P3H2: variants seen among roughly 807,000 people sequenced by gnomAD.
P3H2 encodes the protein prolyl 3-hydroxylase 2.
P3H2 carries 80 observed loss-of-function variants against 87.0 expected under a neutral mutation model. That is an observed-to-expected ratio of 0.92 (90% CI 0.77 to 1.11). P3H2 has a LOEUF of 1.11. Among genes scored for constraint, P3H2 ranks in the 50% least tolerant of loss-of-function variants. P3H2 has a pLI of 0.00. For synonymous variants in P3H2, 367 were observed against 359.3 expected (o/e 1.02, Z -0.24); for missense variants, 1,001 against 923.9 (o/e 1.08, Z -1.08).
At chr3:189,974,117 C>A in intron 9 of P3H2, 113 bp from the exon 10 acceptor site, 2 of 836,360 alleles carry the variant, frequency 2.4e-6, no homozygotes, top group Non-Finnish European at 4.2e-6. Context: ...AAGAACCATC[C>A]CCATTTTATT....
chr3:190,110,298 G>C (rs1462680860), intron 1 of P3H2, among the ~76,000 whole-genome samples: 1 of 152,120 alleles, frequency 6.6e-6, no homozygotes, highest in Non-Finnish European at 1.5e-5. Context: ...GATATAACAG[G>C]TAAAGGCCAG....
At chr3:190,044,796 G>C (rs1383698748) in intron 1 of P3H2, among the ~76,000 whole-genome samples, 1 of 152,158 alleles carries the variant, frequency 6.6e-6, no homozygotes, top group Admixed American at 6.5e-5. Flanking sequence ...TAAATGTCAG[G>C]TAAGGCTATT....
intron 1 of P3H2, among the ~76,000 whole-genome samples, chr3:190,039,253 G>A (rs1725525195): frequency 6.6e-6 from 1 of 151,888 alleles, no homozygotes; most frequent in Non-Finnish European, 1.5e-5. Context: ...GCATATGATT[G>A]TTGAGTCCTC....
chr3:189,962,799 T>A (rs150222307), intron 14 of P3H2, among the ~76,000 whole-genome samples: 18 of 152,308 alleles, frequency 1.2e-4, no homozygotes, highest in African/African-American at 4.3e-4. Flanking sequence ...TGGTGAAAAG[T>A]ATATGAGAAA....
chr3:190,116,737 A>C (rs1259409304), intron 1 of P3H2: 1 of 152,218 alleles, frequency 6.6e-6, no homozygotes, highest in Non-Finnish European at 1.5e-5. Context: ...TAAAAGCTAT[A>C]TATTACGTCT....
chr3:190,063,766 T>C (rs550883545), intron 1 of P3H2, among the ~76,000 whole-genome samples: 3 of 152,198 alleles, frequency 2.0e-5, no homozygotes, highest in South Asian at 4.1e-4. Flanking sequence ...GAGCTGCCTC[T>C]GGAACATAAG....
rs936384320 is a variant in P3H2, at chr3:190,059,840, T to C, written c.480+60412A>G. On this transcript the variant is annotated intron_variant, in intron 1 of 14. Transcript: ENST00000319332. ...ACAAGTCTGACTAACTTCTTGTTTT[T>C]CAAGCTTGGAAAATGAAGATTCCTT... 3.3e-5 allele frequency among the ~76,000 whole-genome samples: 5 copies of C among 152,302 alleles called. No homozygotes were observed. In the South Asian group the frequency reaches 1.0e-3, roughly 32 times the overall value.
At chr3:190,097,602 T>G (rs893026396) in intron 1 of P3H2, among the ~76,000 whole-genome samples, 3 of 151,116 alleles carry the variant, frequency 2.0e-5, no homozygotes, top group African/African-American at 7.3e-5. Flanking sequence ...AAAGTCTTAC[T>G]TGAAAACCTA....
In P3H2 at chr3:190,021,731, CA is replaced by C. The variant is rs894611482; in HGVS notation, c.481-26290del. 6.7e-5 allele frequency among the ~76,000 whole-genome samples: 9 copies of C among 134,684 alleles called. 1 individual carries two copies. The highest frequency in any genetic ancestry group is 9.9e-5 in the Non-Finnish European group (6 of 60,348). 88.4% of individuals were successfully genotyped at this position (134,684 alleles called of 152,430 possible). A position where few individuals can be genotyped will look rare whatever the true frequency, so the allele number is the denominator to read the frequency against. On this transcript the variant is annotated intron_variant, in intron 1 of 14. Transcript: ENST00000319332. ...CCATCTTCCCAGTTATTCACTTTTT[CA>C]ATAAATCTTTAATGAGTGCCTTTCA... is the stretch of plus-strand genomic sequence containing the variant.
At chr3:190,050,047 T>C (rs1725930222) in intron 1 of P3H2, among the ~76,000 whole-genome samples, 1 of 152,208 alleles carries the variant, frequency 6.6e-6, no homozygotes, top group Non-Finnish European at 1.5e-5. Context: ...ACAAGGGTGG[T>C]AATTTGCAGG....
Position 189,970,877 on chromosome 3 carries a change from A to G in P3H2, c.1832T>C (p.Met611Thr), listed in dbSNP as rs1420800871. ...TFRDYSALLYMNDDFEGGEFI... is the reference protein window; with the variant it reads ...TFRDYSALLYTNDDFEGGEFI... The stretch of plus-strand genomic sequence containing the variant: ...TTCTCCTCCTTCAAAGTCATCATTC[A>G]TATATAGGAGAGCACTATAAGAATG... The change falls in exon 13 of 15, where the codon ATG becomes ACG. Residue 611 changes from methionine (M) to threonine (T), a missense_variant. Physicochemically the swap from Met to Thr is moderately conservative, Grantham distance 81. Coordinates refer to ENST00000319332, the MANE Select transcript of P3H2 (RefSeq NM_018192.4). 23 of 1,565,400 alleles carry G rather than the reference A, an allele frequency of 1.5e-5. No individual in the cohort carries two copies. Among genetic ancestry groups the G allele is most frequent in the Non-Finnish European group, 2.0e-5 (23 of 1,135,730 alleles).
Position 189,957,272 on chromosome 3 carries a change from C to T in P3H2, c.*640G>A, listed in dbSNP as rs1722662196. ...CAAAGTGGAGCTCACTTTGGAGAGT[C>T]GGAGCTCATGGCCGTTAGCACCTAA... On this transcript the variant is annotated 3_prime_UTR_variant, in exon 15 of 15. Transcript: ENST00000319332. 7.5e-6 allele frequency: 3 copies of T among 399,300 alleles called. No individual in the cohort carries two copies. The highest frequency in any genetic ancestry group is 2.1e-5 in the African/African-American group (1 of 48,530). The allele number at this position is 399,300 out of a possible 1,614,324, so 24.7% of individuals were successfully genotyped here.
At chr3:190,075,132 T>G (rs558794487) in intron 1 of P3H2, among the ~76,000 whole-genome samples, 2 of 152,336 alleles carry the variant, frequency 1.3e-5, no homozygotes, top group Admixed American at 6.5e-5. Context: ...AAGGAGTTCA[T>G]AGTCTAGTAG....
intron 1 of P3H2, among the ~76,000 whole-genome samples, chr3:190,023,075 C>T (rs577168403): frequency 2.0e-5 from 3 of 152,242 alleles, no homozygotes; most frequent in African/African-American, 4.8e-5. Context: ...ATCCGCCCGC[C>T]TTGGCCTCCC....
chr3:189,991,605 G>A (rs537633438), intron 3 of P3H2, among the ~76,000 whole-genome samples: 1 of 152,198 alleles, frequency 6.6e-6, no homozygotes, highest in Admixed American at 6.5e-5. Context: ...ACAGGACAAG[G>A]CTTTAGCCGA....
chr3:190,045,766 C>A (rs1009071591), intron 1 of P3H2, among the ~76,000 whole-genome samples: 1 of 125,978 alleles, frequency 7.9e-6, no homozygotes, highest in African/African-American at 2.7e-5. Context: ...AAGATAATTT[C>A]GTCTTTCCTG....
At chr3:190,113,643 AT>A (rs1258682862) in intron 1 of P3H2, among the ~76,000 whole-genome samples, 2 of 152,220 alleles carry the variant, frequency 1.3e-5, no homozygotes, top group Non-Finnish European at 2.9e-5. Flanking sequence ...GGAAGTTGAC[AT>A]TTTATCAAGC....
At chr3:190,109,345 C>T (rs68118737) in intron 1 of P3H2, among the ~76,000 whole-genome samples, 16,651 of 152,186 alleles carry the variant, frequency 0.11, 1,022 homozygotes, top group Middle Eastern at 0.2. Context: ...CCTCTTATTT[C>T]CCCCACTTCC....
rs1349784811 is a variant in P3H2, at chr3:189,957,716, G to GAGAGAGAC, written c.*195_*196insGTCTCTCT. 1.2e-5 allele frequency: 7 copies of GAGAGAGAC among 605,500 alleles called. No individual in the cohort carries two copies. Among genetic ancestry groups the GAGAGAGAC allele is most frequent in the African/African-American group, 1.9e-5 (1 of 53,800 alleles). The allele number at this position is 605,500 out of a possible 1,614,324, so 37.5% of individuals were successfully genotyped here. On this transcript the variant is annotated 3_prime_UTR_variant, in exon 15 of 15. Transcript: ENST00000319332. ...GTCTCTAAGAAGAGAGAGAGAGAGAGAGAGAGAGAAAACAACCCAAAACAA... is the reference window on the plus strand; with the variant it reads ...GTCTCTAAGAAGAGAGAGAGAGAGAGAGAGAGACAGAGAGAGAAAACAACCCAAAACAA...
Sources: gnomAD v4.1 joint callset for allele counts (sites outside exome capture counted in the v4.1 genomes callset) on GRCh38, gnomAD v4.1.1 for gene constraint, MANE v1.5 for transcripts, NCBI Gene and HGNC (gene_info 2026-07-23, HGNC 2026-07-21) for gene names.